The following HHAT variants were observed in gnomAD, a reference collection of about 807,000 sequenced individuals.
HHAT encodes the protein protein-cysteine N-palmitoyltransferase HHAT.
A neutral mutation model predicts 70.8 loss-of-function variants in HHAT; 47 were observed. The observed-to-expected ratio is 0.66, with a 90% CI of 0.53 to 0.85. HHAT has a LOEUF of 0.85. Among genes scored for constraint, HHAT ranks in the 40% least tolerant of loss-of-function variants. HHAT has a pLI of 0.00. For missense variants in HHAT, 609 were observed against 604.8 expected (o/e 1.01, Z -0.07); for synonymous variants, 228 against 247.6 (o/e 0.92, Z 0.74).
chr1:210,523,866 G>T (rs1485445254), intron 9 of HHAT, among the ~76,000 whole-genome samples: 1 of 152,212 alleles, frequency 6.6e-6, no homozygotes, highest in Non-Finnish European at 1.5e-5. Context: ...GATCAAAGCA[G>T]TAACAAGATA....
intron 10 of HHAT, among the ~76,000 whole-genome samples, chr1:210,606,358 C>A (rs564082780): frequency 6.6e-6 from 1 of 152,270 alleles, no homozygotes; most frequent in African/African-American, 2.4e-5. Context: ...ACAACTGTTT[C>A]CTCCACTTAA....
chr1:210,351,099 A>G (rs2086979209), intron 2 of HHAT, among the ~76,000 whole-genome samples: 2 of 152,214 alleles, frequency 1.3e-5, no homozygotes, highest in African/African-American at 4.8e-5. Context: ...TGCAAGCTGT[A>G]GACCTGTGAA....
At chr1:210,657,419 A>G (rs1052834561) in intron 11 of HHAT, among the ~76,000 whole-genome samples, 1 of 152,216 alleles carries the variant, frequency 6.6e-6, no homozygotes, top group Admixed American at 6.5e-5. Flanking sequence ...GGAGGTGAGA[A>G]CAAAGGCATC....
intron 10 of HHAT, among the ~76,000 whole-genome samples, chr1:210,601,519 T>C (rs533383619): frequency 3.9e-5 from 6 of 152,280 alleles, no homozygotes; most frequent in African/African-American, 1.4e-4. Flanking sequence ...ATGGTACCCT[T>C]TCTCGACAGA....
At chr1:210,389,551 T>C (rs956692638) in intron 4 of HHAT, among the ~76,000 whole-genome samples, 1 of 152,220 alleles carries the variant, frequency 6.6e-6, no homozygotes, top group African/African-American at 2.4e-5. Flanking sequence ...GATAGAGTTC[T>C]TATGAGATCT....
intron 8 of HHAT, among the ~76,000 whole-genome samples, chr1:210,488,655 G>A (rs775562961): frequency 1.2e-4 from 18 of 152,186 alleles, no homozygotes; most frequent in Non-Finnish European, 2.5e-4. Flanking sequence ...CACTTTGGGA[G>A]GCTGAGGTGG....
intron 11 of HHAT, among the ~76,000 whole-genome samples, chr1:210,624,785 G>A (rs1669518107): frequency 6.6e-6 from 1 of 152,140 alleles, no homozygotes; most frequent in Admixed American, 6.6e-5. Context: ...ACTACTCATG[G>A]TACATACTAC....
chr1:210,612,020 A>C (rs371639059), intron 10 of HHAT, among the ~76,000 whole-genome samples: 100 of 152,088 alleles, frequency 6.6e-4, no homozygotes, highest in Middle Eastern at 6.8e-3. Flanking sequence ...GCTGGCCTTC[A>C]TGATAGCTTC....
intron 7 of HHAT, among the ~76,000 whole-genome samples, chr1:210,452,004 G>C (rs940511769): frequency 6.6e-6 from 1 of 152,174 alleles, no homozygotes; most frequent in African/African-American, 2.4e-5. Flanking sequence ...GAGAGGCTAG[G>C]ATTCTCTGTG....
At chr1:210,523,188 A>T (rs2095187429) in intron 9 of HHAT, among the ~76,000 whole-genome samples, 1 of 151,896 alleles carries the variant, frequency 6.6e-6, no homozygotes, top group South Asian at 2.1e-4. Context: ...GGCCCACCAC[A>T]GTGGGTCTTC....
chr1:210,551,465 G>C (rs1445314390), intron 9 of HHAT, among the ~76,000 whole-genome samples: 2 of 132,138 alleles, frequency 1.5e-5, no homozygotes, highest in African/African-American at 3.0e-5. Flanking sequence ...TTGTGTTTCT[G>C]AGTAACCCCC....
At chr1:210,374,019 AC>A (rs2148075219) in intron 3 of HHAT, 1 of 152,360 alleles carries the variant, frequency 6.6e-6, no homozygotes, top group Non-Finnish European at 1.5e-5. Context: ...CAGACCTTTG[AC>A]ATGGAAAACA....
At chr1:210,494,394 G>A (rs2094597974) in intron 8 of HHAT, among the ~76,000 whole-genome samples, 1 of 152,150 alleles carries the variant, frequency 6.6e-6, no homozygotes, top group African/African-American at 2.4e-5. Flanking sequence ...CTGCTGATGG[G>A]ATTGGATGTC....
At chr1:210,471,566 T>C (rs2094205411) in intron 8 of HHAT, among the ~76,000 whole-genome samples, 1 of 152,206 alleles carries the variant, frequency 6.6e-6, no homozygotes, top group East Asian at 1.9e-4. Context: ...CAGAGGAAGA[T>C]GAGGAACTGG....
chr1:210,497,097 T>C (rs1030563156), intron 8 of HHAT, among the ~76,000 whole-genome samples: 3 of 152,228 alleles, frequency 2.0e-5, no homozygotes, highest in South Asian at 2.1e-4. Flanking sequence ...GTCTGAGTAA[T>C]GAGCTTATGG....
chr1:210,411,203 G>T (rs1390491922), intron 6 of HHAT, among the ~76,000 whole-genome samples: 1 of 152,088 alleles, frequency 6.6e-6, no homozygotes, highest in Non-Finnish European at 1.5e-5. Context: ...CCTCCTCCTG[G>T]CTCCCTTCCA....
chr1:210,665,325 C>A (rs1678667773), intron 11 of HHAT, among the ~76,000 whole-genome samples: 1 of 152,204 alleles, frequency 6.6e-6, no homozygotes, highest in East Asian at 1.9e-4. Flanking sequence ...GGAGGTGAAT[C>A]TTGTTTTCTT....
At chr1:210,611,811 T>C (rs781089435) in intron 10 of HHAT, among the ~76,000 whole-genome samples, 7 of 152,228 alleles carry the variant, frequency 4.6e-5, no homozygotes, top group Non-Finnish European at 7.3e-5. Flanking sequence ...ATCACCTTTA[T>C]TGATTTGCGT....
chr1:210,480,894 C>A (rs1433969235), intron 8 of HHAT, among the ~76,000 whole-genome samples: 3 of 152,198 alleles, frequency 2.0e-5, no homozygotes, highest in Admixed American at 2.0e-4. Flanking sequence ...GCTGTGACTC[C>A]ATCCATCTAT....
Sources: gnomAD v4.1 joint callset for allele counts (sites outside exome capture counted in the v4.1 genomes callset) on GRCh38, gnomAD v4.1.1 for gene constraint, MANE v1.5 for transcripts, NCBI Gene and HGNC (gene_info 2026-07-23, HGNC 2026-07-21) for gene names.